Variants in CCDC167 observed in about 807,000 individuals in gnomAD.
CCDC167 encodes coiled-coil domain containing 167.
CCDC167 carries 15 observed loss-of-function variants against 12.7 expected under a neutral mutation model. The observed-to-expected ratio is 1.18, with a 90% confidence interval of 0.79 to 1.81. The LOEUF is 1.81. CCDC167 is among the 40% of genes most tolerant of loss of function. The probability of loss-of-function intolerance (pLI) is 0.00; values close to 1 mark genes in which losing one functional copy is unlikely to be tolerated. For synonymous variants in CCDC167, 52 were observed against 49.0 expected (o/e 1.06, Z -0.26); for missense variants, 121 against 120.1 (o/e 1.01, Z -0.03).
rs752915282 is a variant in CCDC167 at position 37,485,162 on chromosome 6, A to G, written c.75T>C (p.Cys25=). The G allele has an allele frequency of 1.2e-6, 2 of 1,613,572 alleles. No individual in the cohort carries two copies. The highest frequency in any genetic ancestry group is 1.3e-5 in the African/African-American group (1 of 75,006). ...AGTTCACGGCCTCCAGGTCTCTCCG[A>G]CACTGGGACAGCTTCTCCTCTAGCC... ...IDGLEEKLSQ[C]RRDLEAVNSR... Residue 25 remains cysteine, a synonymous_variant, in exon 2 of 4, where the codon TGT becomes TGC. Transcript: ENST00000373408.
chr6:37,483,101 G>T lies in CCDC167; in HGVS notation c.*85C>A. On this transcript the variant is annotated 3_prime_UTR_variant, in exon 4 of 4. Coordinates refer to ENST00000373408, the MANE Select transcript of CCDC167 (RefSeq NM_138493.3). ...TGGGAGGGGAACACCCCAGCACCTT[G>T]GTCCTATTGAGGCTTGAAGTGCCTG... 1 of 1,036,944 alleles carries T rather than the reference G, an allele frequency of 9.6e-7. No individual in the cohort carries two copies. Among genetic ancestry groups the T allele is most frequent in the Non-Finnish European group, 1.5e-6 (1 of 657,520 alleles). 64.2% of individuals were successfully genotyped at this position (1,036,944 alleles called of 1,614,324 possible).
intron 1 of CCDC167, among the ~76,000 whole-genome samples, chr6:37,496,394 G>A (rs747926623): frequency 1.3e-5 from 2 of 151,964 alleles, no homozygotes; most frequent in South Asian, 2.1e-4. Context: ...AGATCATGCC[G>A]CTGCACTACA....
chr6:37,499,210 G>A (rs1162387518), intron 1 of CCDC167, among the ~76,000 whole-genome samples: 1 of 152,164 alleles, frequency 6.6e-6, no homozygotes, highest in Admixed American at 6.5e-5. Context: ...AGCACATAGC[G>A]GTTGCTCAGT....
chr6:37,483,000 C>T lies in CCDC167; in HGVS notation c.*186G>A, dbSNP rs922211351. ...AGGGAGGGACCAGCACCATGTCCTTCTGGAGACCCGGAACCCCCCAGCAGG... is the reference window on the plus strand; with the variant it reads ...AGGGAGGGACCAGCACCATGTCCTTTTGGAGACCCGGAACCCCCCAGCAGG... On this transcript the variant is annotated 3_prime_UTR_variant, in exon 4 of 4. Transcript: ENST00000373408. 7 of 672,762 alleles carry T rather than the reference C, an allele frequency of 1.0e-5. No individual in the cohort carries two copies. The highest frequency in any genetic ancestry group is 1.8e-5 in the African/African-American group (1 of 56,218). 41.7% of individuals were successfully genotyped at this position (672,762 alleles called of 1,614,324 possible).
At chr6:37,484,645 C>T (rs534968699) in intron 3 of CCDC167, among the ~76,000 whole-genome samples, 165 bp downstream of exon 3, 18 of 152,360 alleles carry the variant, frequency 1.2e-4, no homozygotes, top group Admixed American at 8.5e-4. Context: ...CCTGCTCTCC[C>T]GCAGGCTGCT....
At chr6:37,495,869 A>G (rs1390979603) in intron 1 of CCDC167, among the ~76,000 whole-genome samples, 2 of 152,218 alleles carry the variant, frequency 1.3e-5, no homozygotes, top group Non-Finnish European at 2.9e-5. Flanking sequence ...TAAGAGGACA[A>G]TATCTACTGC....
intron 1 of CCDC167, among the ~76,000 whole-genome samples, chr6:37,487,882 G>A (rs896734294): frequency 1.3e-5 from 2 of 152,184 alleles, no homozygotes; most frequent in Non-Finnish European, 2.9e-5. Context: ...AGGCTTAAAC[G>A]GTCGAACACA....
intron 1 of CCDC167, among the ~76,000 whole-genome samples, chr6:37,498,375 G>A (rs1021646394): frequency 1.2e-4 from 18 of 151,984 alleles, no homozygotes; most frequent in Admixed American, 2.6e-4. Context: ...TGTTCTTCCC[G>A]CCACAAAGTA....
intron 1 of CCDC167, among the ~76,000 whole-genome samples, chr6:37,486,968 T>TCCA (rs1379160900): frequency 7.0e-6 from 1 of 141,894 alleles, no homozygotes; most frequent in African/African-American, 2.5e-5. Context: ...CCCTACCTCC[T>TCCA]CCACCAGGCT....
At position 37,483,290 on chromosome 6, in the gene CCDC167, C is replaced by T. The variant is rs766049728; in HGVS notation, c.191-1G>A. 8 of 1,608,686 alleles carry T rather than the reference C, an allele frequency of 5.0e-6. No homozygotes were observed. The Admixed American group carries it at 1.2e-4, about 23-fold the overall frequency. ...TGCCGAAGAAACTTCAGTTCCTTCT[C>T]TGGGAGGAAAGAGGGTGATAGGGAT... is the stretch of plus-strand genomic sequence containing the variant. On this transcript the variant is annotated splice_acceptor_variant, in intron 3 of 3. Transcript: ENST00000373408. LOFTEE classifies it high-confidence loss of function.
At chr6:37,487,773 G>A (rs1561798040) in intron 1 of CCDC167, among the ~76,000 whole-genome samples, 4 of 152,256 alleles carry the variant, frequency 2.6e-5, no homozygotes, top group Admixed American at 2.6e-4. Context: ...GCTCTGGGCA[G>A]AGCCTGCGGA....
At chr6:37,499,342 C>T (rs773693298) in intron 1 of CCDC167, among the ~76,000 whole-genome samples, 9 of 152,212 alleles carry the variant, frequency 5.9e-5, no homozygotes, top group African/African-American at 9.6e-5. Flanking sequence ...AGCTTCCATA[C>T]TCCGGAGGAA....
At chr6:37,493,126 C>G (rs1235825168) in intron 1 of CCDC167, among the ~76,000 whole-genome samples, 1 of 152,170 alleles carries the variant, frequency 6.6e-6, no homozygotes, top group Non-Finnish European at 1.5e-5. Context: ...AGGGGCTTGT[C>G]GCTCGCCTGG....
rs1762100657 is a variant in CCDC167 at position 37,496,541 on chromosome 6, T to C, written c.42+3281A>G. Among the ~76,000 whole-genome samples, 5 of 152,214 alleles carry C rather than the reference T, an allele frequency of 3.3e-5. No homozygotes were observed. In the South Asian group the frequency reaches 1.0e-3, roughly 32 times the overall value. On this transcript the variant is annotated intron_variant, in intron 1 of 3. Coordinates refer to ENST00000373408, the MANE Select transcript of CCDC167 (RefSeq NM_138493.3). ...AAGGAGTTTGTAACCCCTGGTGAAATTCAAGTCCTTCATGTTATAGATGAG... is the reference window on the plus strand; with the variant it reads ...AAGGAGTTTGTAACCCCTGGTGAAACTCAAGTCCTTCATGTTATAGATGAG...
At chr6:37,491,641 A>C (rs1173139300) in intron 1 of CCDC167, among the ~76,000 whole-genome samples, 1 of 152,208 alleles carries the variant, frequency 6.6e-6, no homozygotes, top group African/African-American at 2.4e-5. Context: ...CAGAGTCTCC[A>C]GTGTCTGCAT....
At position 37,487,081 on chromosome 6, in the gene CCDC167, AT is replaced by A. The variant is rs769110613; in HGVS notation, c.43-1888del. Among the ~76,000 whole-genome samples the A allele has an allele frequency of 7.2e-5, 11 of 152,236 alleles. No homozygotes were observed. The South Asian group carries it at 8.3e-4, about 11-fold the overall frequency. On this transcript the variant is annotated intron_variant, in intron 1 of 3. Coordinates refer to ENST00000373408, the MANE Select transcript of CCDC167 (RefSeq NM_138493.3). The stretch of plus-strand genomic sequence containing the variant: ...TGGGAAATTAACCAGTCCTTCCTTC[AT>A]GAGGCTGAGTATATTCTTTGTTGCC...
At chr6:37,486,632 G>A (rs937699736) in intron 1 of CCDC167, among the ~76,000 whole-genome samples, 5 of 152,306 alleles carry the variant, frequency 3.3e-5, no homozygotes, top group East Asian at 1.9e-4. Context: ...GGGAGAGAGC[G>A]ACCACAGAGC....
At chr6:37,492,747 A>C (rs925721786) in intron 1 of CCDC167, among the ~76,000 whole-genome samples, 1 of 152,180 alleles carries the variant, frequency 6.6e-6, no homozygotes, top group Non-Finnish European at 1.5e-5. Flanking sequence ...ACACGTCAGG[A>C]GACCCCAGGA....
intron 3 of CCDC167, 119 bp downstream of exon 3, chr6:37,484,691 G>T: frequency 8.7e-7 from 1 of 1,147,978 alleles, no homozygotes; most frequent in Non-Finnish European, 1.3e-6. Flanking sequence ...TCTGGGGGCT[G>T]GTTCCCTCCC....
Sources: gnomAD v4.1 joint callset for allele counts (sites outside exome capture counted in the v4.1 genomes callset) on GRCh38, gnomAD v4.1.1 for gene constraint, MANE v1.5 for transcripts, NCBI Gene and HGNC (gene_info 2026-07-23, HGNC 2026-07-21) for gene names.